NAMPT: variants seen among roughly 807,000 people sequenced by gnomAD.
NAMPT encodes NAmPRTase.
NAMPT carries 7 observed loss-of-function variants against 58.7 expected under a neutral mutation model. The observed-to-expected ratio is 0.12, with a 90% CI of 0.07 to 0.22. The LOEUF (loss-of-function observed/expected upper bound fraction) is 0.22, where lower values mean the gene tolerates loss of function less well. Among genes scored for constraint, NAMPT ranks in the 10% least tolerant of loss-of-function variants. The pLI is 1.00. For synonymous variants in NAMPT, 145 were observed against 198.1 expected (o/e 0.73, Z 2.25); for missense variants, 271 against 567.9 (o/e 0.48, Z 5.31).
chr7:106,278,465 G>A (rs1792694406), intron 1 of NAMPT, among the ~76,000 whole-genome samples: 1 of 152,062 alleles, frequency 6.6e-6, no homozygotes, highest in African/African-American at 2.4e-5. Context: ...ATACTAAAAG[G>A]TACAGGGAAG....
chr7:106,264,658 A>T (rs190829743), intron 6 of NAMPT, among the ~76,000 whole-genome samples: 25 of 152,212 alleles, frequency 1.6e-4, no homozygotes, highest in Admixed American at 1.4e-3. Context: ...TAATTTTAAA[A>T]GATCTCAAAC....
intron 8 of NAMPT, 108 bp downstream of exon 8, chr7:106,261,480 A>C: frequency 1.1e-6 from 1 of 926,218 alleles, no homozygotes; most frequent in Non-Finnish European, 1.6e-6. Context: ...TACCAACATA[A>C]ACACTTACAA....
chr7:106,277,657 T>C (rs901425882), intron 1 of NAMPT, among the ~76,000 whole-genome samples: 1 of 152,172 alleles, frequency 6.6e-6, no homozygotes, highest in African/African-American at 2.4e-5. Flanking sequence ...GCCTTCACAG[T>C]GACACTATGA....
chr7:106,264,121 G>A (rs56944913), intron 6 of NAMPT, among the ~76,000 whole-genome samples: 6,555 of 152,014 alleles, frequency 0.043, 173 homozygotes, highest in Middle Eastern at 0.12. Flanking sequence ...TATACTTAGA[G>A]GCAATTATTT....
intron 7 of NAMPT, 31 bp from the exon 8 acceptor site, chr7:106,261,738 T>C: frequency 6.3e-7 from 1 of 1,587,790 alleles, no homozygotes; most frequent in Non-Finnish European, 8.6e-7. Context: ...GCAACACAAA[T>C]AACTAAAGCT....
chr7:106,275,128 T>G, intron 2 of NAMPT, 79 bp from the exon 3 acceptor site: 1 of 857,414 alleles, frequency 1.2e-6, no homozygotes, highest in Non-Finnish European at 1.9e-6. Context: ...ACTTAATATC[T>G]TTGGCTATTT....
intron 1 of NAMPT, among the ~76,000 whole-genome samples, chr7:106,279,274 G>A (rs934861513): frequency 6.6e-6 from 1 of 152,142 alleles, no homozygotes; most frequent in East Asian, 1.9e-4. Context: ...AATCTTTGGA[G>A]AACCTTAAGA....
chr7:106,284,771 C>G, intron 1 of NAMPT, 57 bp downstream of exon 1: 1 of 1,389,948 alleles, frequency 7.2e-7, no homozygotes, highest in Non-Finnish European at 9.5e-7. Flanking sequence ...CCCCCTGCCG[C>G]GCGCTCGTCC....
At chr7:106,257,858 G>A (rs1792230770) in intron 8 of NAMPT, among the ~76,000 whole-genome samples, 1 of 151,732 alleles carries the variant, frequency 6.6e-6, no homozygotes, top group Non-Finnish European at 1.5e-5. Flanking sequence ...AACAGATACA[G>A]TACCCTGCCA....
intron 6 of NAMPT, among the ~76,000 whole-genome samples, chr7:106,267,841 A>C (rs1293757687): frequency 1.8e-4 from 9 of 48,742 alleles, no homozygotes; most frequent in East Asian, 1.1e-3. Context: ...ACTCCGTCTC[A>C]AAAAAAAAAA....
At position 106,249,776 on chromosome 7, in the gene NAMPT, C is replaced by T. The variant is rs1586007668; in HGVS notation, c.*1307G>A. On this transcript the variant is annotated 3_prime_UTR_variant, in exon 11 of 11. Transcript: ENST00000222553. ...GGCCTTTGGGCTATAGTTGGCCAACCGCTGCCTCAGAAGAACAGATCTACA... is the reference window on the plus strand; with the variant it reads ...GGCCTTTGGGCTATAGTTGGCCAACTGCTGCCTCAGAAGAACAGATCTACA... The T allele has an allele frequency of 1.3e-5, 2 of 151,588 alleles. No individual in the cohort carries two copies. The highest frequency in any genetic ancestry group is 4.9e-5 in the African/African-American group (2 of 41,228). The allele number at this position is 151,588 out of a possible 1,614,324, so 9.4% of individuals were successfully genotyped here.
At chr7:106,263,662 GATCT>G in intron 6 of NAMPT, 45 bp from the exon 7 acceptor site, 1 of 1,402,382 alleles carries the variant, frequency 7.1e-7, no homozygotes, top group Non-Finnish European at 1.0e-6. Context: ...GCAGACACTT[GATCT>G]ATCCCTGAAT....
chr7:106,263,328 A>G, intron 7 of NAMPT, 64 bp downstream of exon 7: 1 of 1,154,490 alleles, frequency 8.7e-7, no homozygotes, highest in Non-Finnish European at 1.3e-6. Flanking sequence ...ATAAATGAAA[A>G]GTAGTATTGA....
At position 106,250,677 on chromosome 7, in the gene NAMPT, G is replaced by A. The variant is rs1792091490; in HGVS notation, c.*406C>T. On this transcript the variant is annotated 3_prime_UTR_variant, in exon 11 of 11. Coordinates refer to ENST00000222553, the MANE Select transcript of NAMPT (RefSeq NM_005746.3). Reference sequence around the variant, plus strand: ...AAGTTGGAAAGACTGTTAAATCACTGAAACTTCAAATATATCTTACACAAT... The same window carrying A: ...AAGTTGGAAAGACTGTTAAATCACTAAAACTTCAAATATATCTTACACAAT... 6.4e-6 allele frequency: 1 copy of A among 156,466 alleles called. No homozygotes were observed. Among genetic ancestry groups the A allele is most frequent in the African/African-American group, 2.4e-5 (1 of 41,346 alleles). 9.7% of individuals were successfully genotyped at this position (156,466 alleles called of 1,614,324 possible). A position where few individuals can be genotyped will look rare whatever the true frequency, so the allele number is the denominator to read the frequency against.
intron 5 of NAMPT, 146 bp downstream of exon 5, chr7:106,269,008 G>T: frequency 1.4e-6 from 1 of 703,640 alleles, no homozygotes; most frequent in Non-Finnish European, 2.4e-6. Context: ...CCTGAACACA[G>T]TAGTAGGTAC....
intron 4 of NAMPT, among the ~76,000 whole-genome samples, chr7:106,270,640 T>C (rs960514202): frequency 2.6e-5 from 4 of 152,174 alleles, no homozygotes; most frequent in Non-Finnish European, 5.9e-5. Flanking sequence ...TCAAGAGGTT[T>C]TGCAGCTTCT....
At position 106,270,916 on chromosome 7, in the gene NAMPT, T is replaced by C. The variant is rs142770552; in HGVS notation, c.448-1604A>G. Among the ~76,000 whole-genome samples, 380 of 152,342 alleles carry C rather than the reference T, an allele frequency of 2.5e-3. 3 individuals carry two copies. The highest frequency in any genetic ancestry group is 8.6e-3 in the African/African-American group (356 of 41,588). ...AGTTTTGGGGTAGTTTGTTACACAA[T>C]AGAAAATCAGTACAATTCTTAAACT... On this transcript the variant is annotated intron_variant, in intron 4 of 10. Transcript: ENST00000222553.
At chr7:106,270,190 CCGTAAT>C (rs1792505877) in intron 4 of NAMPT, 2 of 299,020 alleles carry the variant, frequency 6.7e-6, no homozygotes, top group South Asian at 5.3e-5. Flanking sequence ...ATCACAGCAA[CCGTAAT>C]AATTATCATG....
At chr7:106,269,039 G>C (rs1792480277) in intron 5 of NAMPT, 115 bp downstream of exon 5, 4 of 972,890 alleles carry the variant, frequency 4.1e-6, no homozygotes, top group South Asian at 3.4e-5. Flanking sequence ...TCTGTTGGTT[G>C]AATCTTTGGA....
Sources: gnomAD v4.1 joint callset for allele counts (sites outside exome capture counted in the v4.1 genomes callset) on GRCh38, gnomAD v4.1.1 for gene constraint, MANE v1.5 for transcripts, NCBI Gene and HGNC (gene_info 2026-07-23, HGNC 2026-07-21) for gene names.